WDR70: variants seen among roughly 807,000 people sequenced by gnomAD.
WDR70 encodes the protein WD repeat domain 70.
WDR70 carries 53 observed loss-of-function variants against 88.6 expected under a neutral mutation model. The ratio of observed to expected loss-of-function variants is 0.60; its 90% CI spans 0.48 to 0.75. WDR70 has a LOEUF of 0.75. Ranked by LOEUF, WDR70 falls within the 30% of genes least tolerant of loss-of-function variation. WDR70 has a pLI of 0.00. For missense variants in WDR70, 610 were observed against 823.2 expected, an observed-to-expected ratio of 0.74 and a Z score of 3.17; for synonymous variants, 280 against 270.0, an observed-to-expected ratio of 1.04 and a Z score of -0.36.
intron 10 of WDR70, among the ~76,000 whole-genome samples, chr5:37,625,398 A>G (rs1032688102): frequency 3.3e-5 from 5 of 151,956 alleles, no homozygotes; most frequent in Non-Finnish European, 7.4e-5. Flanking sequence ...TTATCTAGTT[A>G]TAGTTTTGAT....
At chr5:37,484,525 G>A (rs1739795618) in intron 8 of WDR70, among the ~76,000 whole-genome samples, 1 of 152,182 alleles carries the variant, frequency 6.6e-6, no homozygotes, top group Non-Finnish European at 1.5e-5. Flanking sequence ...GCTTCGGCTT[G>A]GCATCAGAGG....
intron 3 of WDR70, among the ~76,000 whole-genome samples, chr5:37,383,605 C>T (rs1306657707): frequency 1.4e-5 from 2 of 140,014 alleles, no homozygotes; most frequent in African/African-American, 2.7e-5. Context: ...TTTGAGATGG[C>T]GTCTCGCTCT....
At chr5:37,572,314 A>T (rs1742928177) in intron 9 of WDR70, among the ~76,000 whole-genome samples, 1 of 152,016 alleles carries the variant, frequency 6.6e-6, no homozygotes, top group Non-Finnish European at 1.5e-5. Flanking sequence ...TACCACCAAG[A>T]AAAGAGGCTG....
chr5:37,715,169 T>C (rs1747619976), intron 13 of WDR70, among the ~76,000 whole-genome samples: 1 of 152,140 alleles, frequency 6.6e-6, no homozygotes, highest in Non-Finnish European at 1.5e-5. Flanking sequence ...CTGTATCAAA[T>C]GTGTATGACA....
In WDR70 at chr5:37,449,610, ATAAAAAAT is replaced by A. The variant is rs1561856918; in HGVS notation, c.686+6239_686+6246del. Among the ~76,000 whole-genome samples the A allele has an allele frequency of 4.8e-3, 270 of 56,534 alleles. 7 individuals carry two copies. The highest frequency in any genetic ancestry group is 0.021 in the Middle Eastern group (2 of 96). The allele number at this position is 56,534 out of a possible 152,430, so 37.1% of individuals were successfully genotyped here. On this transcript the variant is annotated intron_variant, in intron 7 of 17. Coordinates refer to ENST00000265107, the MANE Select transcript of WDR70 (RefSeq NM_018034.4). ...TGTCTCAAAAAAAAAAAAATAAAAA[ATAAAAAAT>A]AAATAAATAAATAAATAAAATCAAA...
At chr5:37,490,174 G>A (rs1740024854) in intron 8 of WDR70, among the ~76,000 whole-genome samples, 1 of 152,166 alleles carries the variant, frequency 6.6e-6, no homozygotes, top group South Asian at 2.1e-4. Context: ...GAGCACTGGG[G>A]TTGCTGGTGC....
At chr5:37,461,001 C>A (rs1398841523) in intron 7 of WDR70, among the ~76,000 whole-genome samples, 1 of 150,286 alleles carries the variant, frequency 6.7e-6, no homozygotes, top group East Asian at 1.9e-4. Flanking sequence ...ATAATTTTTT[C>A]ATTTTTCAAC....
chr5:37,384,978 G>T (rs1748559769), intron 3 of WDR70, among the ~76,000 whole-genome samples: 1 of 152,146 alleles, frequency 6.6e-6, no homozygotes, highest in Non-Finnish European at 1.5e-5. Flanking sequence ...ATAAATCAGG[G>T]TTCCCATGAC....
chr5:37,449,482 C>T (rs1037777618), intron 7 of WDR70, among the ~76,000 whole-genome samples: 1 of 151,616 alleles, frequency 6.6e-6, no homozygotes, highest in African/African-American at 2.4e-5. Flanking sequence ...ATCCTGGTTA[C>T]TTCAGAGGCT....
At chr5:37,570,159 A>C (rs1230749490) in intron 9 of WDR70, among the ~76,000 whole-genome samples, 1 of 152,108 alleles carries the variant, frequency 6.6e-6, no homozygotes, top group African/African-American at 2.4e-5. Flanking sequence ...TGGGGTAAAG[A>C]GAAGTAGGTG....
At chr5:37,497,880 G>T (rs1045115416) in intron 8 of WDR70, among the ~76,000 whole-genome samples, 1 of 151,918 alleles carries the variant, frequency 6.6e-6, no homozygotes, top group Non-Finnish European at 1.5e-5. Context: ...AGAGTGCAGT[G>T]GTGCAATCTT....
intron 8 of WDR70, among the ~76,000 whole-genome samples, chr5:37,480,431 G>C (rs935713636): frequency 6.6e-6 from 1 of 152,178 alleles, no homozygotes. Context: ...AAGGAAAGAG[G>C]TTAATTGTTT....
intron 9 of WDR70, among the ~76,000 whole-genome samples, chr5:37,580,906 A>G (rs1353342396): frequency 1.3e-5 from 2 of 152,266 alleles, no homozygotes; most frequent in Non-Finnish European, 2.9e-5. Context: ...ATGTAAAACA[A>G]TAAATGTAAT....
chr5:37,477,649 C>T (rs1249390418), intron 7 of WDR70, among the ~76,000 whole-genome samples: 1 of 152,156 alleles, frequency 6.6e-6, no homozygotes, highest in East Asian at 1.9e-4. Context: ...CATGGTTATT[C>T]ATTGCCTCTT....
intron 10 of WDR70, among the ~76,000 whole-genome samples, chr5:37,622,898 AAAAG>A (rs1174379805): frequency 1.3e-5 from 2 of 152,210 alleles, no homozygotes; most frequent in African/African-American, 4.8e-5. Flanking sequence ...TAATAATAAA[AAAAG>A]AAACATTCTA....
chr5:37,579,312 G>A (rs1026658361), intron 9 of WDR70, among the ~76,000 whole-genome samples: 2 of 152,180 alleles, frequency 1.3e-5, no homozygotes, highest in Non-Finnish European at 2.9e-5. Flanking sequence ...CTGGCCGGGT[G>A]CGGTGGCTCA....
intron 17 of WDR70, among the ~76,000 whole-genome samples, chr5:37,732,026 A>G (rs1561096182): frequency 6.6e-6 from 1 of 152,280 alleles, no homozygotes; most frequent in East Asian, 1.9e-4. Context: ...TCAATTTAGT[A>G]TGTGGTTTTC....
intron 9 of WDR70, among the ~76,000 whole-genome samples, chr5:37,582,494 T>C (rs1189465592): frequency 6.6e-6 from 1 of 152,244 alleles, no homozygotes; most frequent in Non-Finnish European, 1.5e-5. Flanking sequence ...CACACAGTTA[T>C]CTTTTAGATG....
chr5:37,447,794 C>T lies in WDR70; in HGVS notation c.686+4422C>T, dbSNP rs147064484. Among the ~76,000 whole-genome samples the T allele has an allele frequency of 1.7e-3, 255 of 152,090 alleles. 3 individuals are homozygous for T. Among genetic ancestry groups the T allele is most frequent in the African/African-American group, 5.5e-3 (227 of 41,480 alleles). On this transcript the variant is annotated intron_variant, in intron 7 of 17. Transcript: ENST00000265107. ...ACACACCGGGGCCTGTCATGGGATG[C>T]GGGGAGGAGGGAGGGAGAGCATTAG...
Sources: allele counts gnomAD v4.1 joint callset (sites outside exome capture counted in the v4.1 genomes callset), GRCh38; gene constraint gnomAD v4.1.1; transcripts MANE v1.5; gene names NCBI Gene and HGNC (gene_info 2026-07-23, HGNC 2026-07-21).